The following NSMCE2 variants were observed in gnomAD, a reference collection of about 807,000 sequenced individuals.
The protein encoded by NSMCE2 is E3 SUMO-protein ligase NSE2.
In NSMCE2, 24 loss-of-function variants were observed where a neutral mutation model predicts 23.8. The ratio of observed to expected loss-of-function variants is 1.01; its 90% CI spans 0.73 to 1.42. The LOEUF is 1.42. Among genes scored for constraint, NSMCE2 ranks in the 40% most tolerant of loss-of-function variants. The pLI is 0.00. For synonymous variants in NSMCE2, 92 were observed against 94.1 expected, an observed-to-expected ratio of 0.98 and a Z score of 0.13; for missense variants, 284 against 296.5, an observed-to-expected ratio of 0.96 and a Z score of 0.31.
chr8:125,127,425 G>GT (rs1819568449), intron 3 of NSMCE2, among the ~76,000 whole-genome samples: 1 of 152,122 alleles, frequency 6.6e-6, no homozygotes, highest in Non-Finnish European at 1.5e-5. Flanking sequence ...AGAAACAAAA[G>GT]TATGTTCTAG....
intron 5 of NSMCE2, among the ~76,000 whole-genome samples, chr8:125,319,863 A>C (rs1440236518): frequency 2.0e-5 from 3 of 152,142 alleles, no homozygotes; most frequent in Non-Finnish European, 4.4e-5. Flanking sequence ...GAAAGCTATG[A>C]GGAGACAAAA....
intron 5 of NSMCE2, among the ~76,000 whole-genome samples, chr8:125,329,919 G>A (rs941560011): frequency 6.6e-6 from 1 of 152,126 alleles, no homozygotes; most frequent in African/African-American, 2.4e-5. Flanking sequence ...GTGATACCAT[G>A]TAGTAAGACT....
intron 5 of NSMCE2, among the ~76,000 whole-genome samples, chr8:125,298,122 T>C (rs1828402497): frequency 6.6e-6 from 1 of 152,084 alleles, no homozygotes; most frequent in African/African-American, 2.4e-5. Flanking sequence ...TTGCCTGGTG[T>C]GGTGGTACAC....
intron 5 of NSMCE2, among the ~76,000 whole-genome samples, chr8:125,237,719 C>T (rs1286982622): frequency 6.6e-6 from 1 of 152,170 alleles, no homozygotes; most frequent in Non-Finnish European, 1.5e-5. Flanking sequence ...ATTCCTGAGT[C>T]CAGTCAGTGA....
intron 3 of NSMCE2, among the ~76,000 whole-genome samples, chr8:125,150,683 C>T (rs1348838690): frequency 6.6e-6 from 1 of 152,018 alleles, no homozygotes; most frequent in African/African-American, 2.4e-5. Flanking sequence ...CGCCCGGCTG[C>T]TATCTTTGAT....
chr8:125,347,942 T>C (rs1812848355), intron 5 of NSMCE2, among the ~76,000 whole-genome samples: 1 of 152,216 alleles, frequency 6.6e-6, no homozygotes, highest in Non-Finnish European at 1.5e-5. Context: ...TAGAGTTGTT[T>C]AGAAAATGTA....
intron 5 of NSMCE2, among the ~76,000 whole-genome samples, chr8:125,192,510 T>G (rs1276254355): frequency 7.7e-6 from 1 of 129,370 alleles, no homozygotes; most frequent in Non-Finnish European, 1.5e-5. Flanking sequence ...AATTGAATAT[T>G]ATATGTATAT....
chr8:125,195,969 C>T (rs184137133), intron 5 of NSMCE2, among the ~76,000 whole-genome samples: 271 of 145,608 alleles, frequency 1.9e-3, no homozygotes, highest in African/African-American at 6.8e-3. Flanking sequence ...TCACTGCAAC[C>T]TCCAACTCTT....
intron 5 of NSMCE2, among the ~76,000 whole-genome samples, chr8:125,266,706 T>C (rs1169248339): frequency 6.6e-6 from 1 of 152,154 alleles, no homozygotes; most frequent in African/African-American, 2.4e-5. Context: ...CTGTTGGGGA[T>C]GAATAGCAAA....
intron 4 of NSMCE2, among the ~76,000 whole-genome samples, chr8:125,159,065 C>T (rs1252943926): frequency 6.6e-6 from 1 of 152,146 alleles, no homozygotes; most frequent in Admixed American, 6.5e-5. Flanking sequence ...GTGATGAAAC[C>T]TTGTGCCTTG....
At chr8:125,251,360 G>C (rs1826190419) in intron 5 of NSMCE2, among the ~76,000 whole-genome samples, 1 of 152,138 alleles carries the variant, frequency 6.6e-6, no homozygotes, top group Admixed American at 6.5e-5. Flanking sequence ...TTAAATTTTT[G>C]AGAGATCTTT....
In NSMCE2 at chr8:125,143,377, G is replaced by A. The variant is rs1035544989; in HGVS notation, c.158-7794G>A. On this transcript the variant is annotated intron_variant, in intron 3 of 7. Transcript: ENST00000287437. ...CAGAAAGTAAAATCTCCCAATATAC[G>A]TCCCATTTATTCTAAGAAATTTAAA... is the stretch of plus-strand genomic sequence containing the variant. Among the ~76,000 whole-genome samples, 11 of 152,160 alleles carry A rather than the reference G, an allele frequency of 7.2e-5. No homozygotes were observed. In the South Asian group the frequency reaches 1.0e-3, roughly 14 times the overall value.
At chr8:125,255,609 G>A (rs1367686349) in intron 5 of NSMCE2, among the ~76,000 whole-genome samples, 1 of 152,168 alleles carries the variant, frequency 6.6e-6, no homozygotes, top group Admixed American at 6.5e-5. Flanking sequence ...GCACTTAGGT[G>A]TTGCTGGAGC....
intron 4 of NSMCE2, among the ~76,000 whole-genome samples, chr8:125,164,357 A>G (rs1419138980): frequency 6.6e-6 from 1 of 152,234 alleles, no homozygotes; most frequent in Non-Finnish European, 1.5e-5. Context: ...TTTTCATGAC[A>G]GTTCTGTTTC....
intron 3 of NSMCE2, among the ~76,000 whole-genome samples, chr8:125,123,257 C>T (rs1318567083): frequency 1.3e-5 from 2 of 152,150 alleles, no homozygotes; most frequent in African/African-American, 4.8e-5. Context: ...CTCCTAGACT[C>T]AGGTGTGTTT....
chr8:125,320,649 T>TTTAAA (rs1829415488), intron 5 of NSMCE2, among the ~76,000 whole-genome samples: 7 of 152,148 alleles, frequency 4.6e-5, no homozygotes, highest in African/African-American at 1.7e-4. Context: ...CAGCAAAATA[T>TTTAAA]ATTTTTTAAA....
chr8:125,357,453 G>C, intron 6 of NSMCE2, 134 bp downstream of exon 6: 1 of 695,806 alleles, frequency 1.4e-6, no homozygotes, highest in South Asian at 1.8e-5. Flanking sequence ...GGGGGTTGAA[G>C]AGTATCCACG....
chr8:125,198,571 G>A (rs1823729115), intron 5 of NSMCE2, among the ~76,000 whole-genome samples: 1 of 152,172 alleles, frequency 6.6e-6, no homozygotes, highest in Admixed American at 6.5e-5. Context: ...TTTTTGATGT[G>A]CTGCTGGATT....
chr8:125,284,914 A>G (rs1827836768), intron 5 of NSMCE2, among the ~76,000 whole-genome samples: 1 of 152,236 alleles, frequency 6.6e-6, no homozygotes, highest in Non-Finnish European at 1.5e-5. Context: ...TGCCTCAGAG[A>G]TAACACCTGT....
Sources: allele counts gnomAD v4.1 joint callset (sites outside exome capture counted in the v4.1 genomes callset), GRCh38; gene constraint gnomAD v4.1.1; transcripts MANE v1.5; gene names NCBI Gene and HGNC (gene_info 2026-07-23, HGNC 2026-07-21).